Variants in GATB observed in about 807,000 individuals in gnomAD.
The protein encoded by GATB is glutamyl-tRNA(Gln) amidotransferase subunit B, mitochondrial.
Under a neutral mutation model 62.3 loss-of-function variants are expected in GATB, and 39 were observed. The observed-to-expected ratio is 0.63, with a 90% confidence interval of 0.48 to 0.82. The LOEUF is 0.82. Among genes scored for constraint, GATB ranks in the 40% least tolerant of loss-of-function variants. The pLI, the probability that GATB is intolerant of heterozygous loss-of-function variation, is 0.00. For missense variants in GATB, 670 were observed against 684.0 expected, an observed-to-expected ratio of 0.98 and a Z score of 0.23; for synonymous variants, 276 against 258.9, an observed-to-expected ratio of 1.07 and a Z score of -0.63.
At chr4:151,731,264 G>A (rs971191522) in intron 2 of GATB, among the ~76,000 whole-genome samples, 3 of 152,174 alleles carry the variant, frequency 2.0e-5, no homozygotes, top group Admixed American at 6.5e-5. Context: ...GCGGGCGCGC[G>A]CCGCCACGCC....
intron 5 of GATB, among the ~76,000 whole-genome samples, chr4:151,712,324 G>A (rs911803864): frequency 1.3e-5 from 2 of 152,140 alleles, no homozygotes; most frequent in Non-Finnish European, 1.5e-5. Flanking sequence ...GTGCACAAAA[G>A]CTTTACTAGT....
chr4:151,727,858 C>T (rs1030634336), intron 2 of GATB, among the ~76,000 whole-genome samples: 1 of 152,140 alleles, frequency 6.6e-6, no homozygotes, highest in African/African-American at 2.4e-5. Context: ...TGCAAAGTGC[C>T]TATCTCAATC....
rs192267283 is a variant in GATB, at chr4:151,737,121, G to T, written c.328-17583C>A. Among the ~76,000 whole-genome samples the T allele has an allele frequency of 3.2e-3, 483 of 152,334 alleles. 2 individuals carry two copies. The highest frequency in any genetic ancestry group is 0.011 in the African/African-American group (441 of 41,562). On this transcript the variant is annotated intron_variant, in intron 2 of 12. Transcript: ENST00000263985. Reference sequence around the variant, plus strand: ...CAGGCAGAGGCTGGAACAGTTTGGAGGGCTCAGAAGAAGACAGGAAAATGT... The same window carrying T: ...CAGGCAGAGGCTGGAACAGTTTGGATGGCTCAGAAGAAGACAGGAAAATGT...
Position 151,719,454 on chromosome 4 carries a change from T to C in GATB, c.412A>G (p.Arg138Gly). The C allele has an allele frequency of 6.2e-7, 1 of 1,611,998 alleles. No individual in the cohort carries two copies. Among genetic ancestry groups the C allele is most frequent in the Non-Finnish European group, 8.5e-7 (1 of 1,179,000 alleles). The change falls in exon 3 of 13, where the codon AGG becomes GGG. Residue 138 changes from arginine to glycine, a missense_variant. Arg to Gly is a moderately radical substitution (Grantham distance 125, BLOSUM62 -2). Coordinates refer to ENST00000263985, the MANE Select transcript of GATB (RefSeq NM_004564.3). ...CHINKKSLFDRKHYFYADLPA... is the reference protein window; with the variant it reads ...CHINKKSLFDGKHYFYADLPA... Reference sequence around the variant, plus strand: ...AGGTCTGCATAGAAGTAGTGCTTCCTGTCAAACAAGGACTTCTTGTTTATG... The same window carrying C: ...AGGTCTGCATAGAAGTAGTGCTTCCCGTCAAACAAGGACTTCTTGTTTATG...
intron 8 of GATB, 75 bp from the exon 9 acceptor site, chr4:151,701,593 TATGA>T (rs1269740562): frequency 9.4e-7 from 1 of 1,061,716 alleles, no homozygotes; most frequent in Non-Finnish European, 1.3e-6. Flanking sequence ...CCCCCAGTAA[TATGA>T]ATGTTTCTGT....
chr4:151,673,059 T>C, intron 11 of GATB, 163 bp from the exon 12 acceptor site: 1 of 813,392 alleles, frequency 1.2e-6, no homozygotes, highest in Non-Finnish European at 1.9e-6. Flanking sequence ...CTGGCTGCCC[T>C]GCCAGAGCGT....
Position 151,672,813 on chromosome 4 carries a change from CT to C in GATB, c.1493del (p.Gln498ArgfsTer11), listed in dbSNP as rs753239596. 2 of 1,614,222 alleles carry C rather than the reference CT, an allele frequency of 1.2e-6. No homozygotes were observed. Among genetic ancestry groups the C allele is most frequent in the Admixed American group, 1.7e-5 (1 of 60,030 alleles). ...AGTGGCAGAGCTGCTCCAGTGCCCCCTGGTCCTGCATCAGTTCAAGCTGCTT... is the reference window on the plus strand; with the variant it reads ...AGTGGCAGAGCTGCTCCAGTGCCCCCGGTCCTGCATCAGTTCAAGCTGCTT... ...SEKQLELMQD[Q>X]GALEQLCHSV... On this transcript the variant is annotated frameshift_variant, in exon 12 of 13. Coordinates refer to ENST00000263985, the MANE Select transcript of GATB (RefSeq NM_004564.3). LOFTEE classifies it high-confidence loss of function.
intron 11 of GATB, among the ~76,000 whole-genome samples, chr4:151,678,437 TTC>T (rs35701179): frequency 0.59 from 89,063 of 149,788 alleles, 28,733 homozygotes; most frequent in African/African-American, 0.88. Context: ...CAATGTGTTC[TTC>T]TCTCTCTCTC....
intron 6 of GATB, 103 bp downstream of exon 6, chr4:151,707,885 G>T (rs549461877): frequency 4.0e-6 from 3 of 752,764 alleles, no homozygotes; most frequent in Non-Finnish European, 6.8e-6. Context: ...CAGTGAAAAC[G>T]AAAGTAGTTC....
At chr4:151,687,196 A>G (rs1346885886) in intron 10 of GATB, 1 of 152,282 alleles carries the variant, frequency 6.6e-6, no homozygotes, top group Admixed American at 6.5e-5. Flanking sequence ...ATAACTCTCA[A>G]CTGCAAACCT....
chr4:151,714,763 C>A (rs1738882163), intron 5 of GATB, among the ~76,000 whole-genome samples: 1 of 152,122 alleles, frequency 6.6e-6, no homozygotes, highest in African/African-American at 2.4e-5. Flanking sequence ...GGATAACCAT[C>A]CAACTTGCCC....
rs1738600919 is a variant in GATB, at chr4:151,701,407, G to C, written c.1119C>G (p.Leu373=). The C allele has an allele frequency of 6.2e-7, 1 of 1,605,438 alleles. No homozygotes were observed. The highest frequency in any genetic ancestry group is 1.3e-5 in the African/African-American group (1 of 74,572). ...CTCGGGTCACACTGGGGAGCTCCGG[G>C]AGTGTCTCCCGAATCTGGTCAATAT... is the stretch of plus-strand genomic sequence containing the variant. ...VINIDQIRET[L]PELPSVTREK... is the part of the protein sequence containing the mutation. Residue 373 remains leucine, a synonymous_variant, in exon 9 of 13, where the codon CTC becomes CTG. Coordinates refer to ENST00000263985, the MANE Select transcript of GATB (RefSeq NM_004564.3).
intron 11 of GATB, chr4:151,677,731 G>T (rs1271961210): frequency 6.6e-6 from 1 of 152,190 alleles, no homozygotes; most frequent in Non-Finnish European, 1.5e-5. Flanking sequence ...AGGCGTGAAG[G>T]ACTGATGCGT....
At chr4:151,714,559 C>T (rs1738878616) in intron 5 of GATB, among the ~76,000 whole-genome samples, 1 of 152,222 alleles carries the variant, frequency 6.6e-6, no homozygotes, top group Non-Finnish European at 1.5e-5. Flanking sequence ...ATTTAATGAA[C>T]ACTCTCAGCT....
intron 9 of GATB, among the ~76,000 whole-genome samples, chr4:151,698,219 T>C (rs1461122382): frequency 1.3e-5 from 2 of 151,952 alleles, no homozygotes; most frequent in Admixed American, 6.6e-5. Flanking sequence ...CACCCAGTCA[T>C]GGAGTACCTA....
chr4:151,686,965 G>A (rs1447796327), intron 10 of GATB: 1 of 152,562 alleles, frequency 6.6e-6, no homozygotes, highest in East Asian at 1.9e-4. Flanking sequence ...TGTCAGCCTT[G>A]GCCTGTCCCT....
chr4:151,699,777 T>TACAC (rs35358434), intron 9 of GATB, among the ~76,000 whole-genome samples: 2,047 of 151,090 alleles, frequency 0.014, 46 homozygotes, highest in African/African-American at 0.046. Context: ...AGACAGCTAA[T>TACAC]ACACACACAC....
chr4:151,671,320 A>ACTTC lies in GATB; in HGVS notation c.1546-19_1546-18insGAAG. 2 of 1,611,322 alleles carry ACTTC rather than the reference A, an allele frequency of 1.2e-6. No homozygotes were observed. Among genetic ancestry groups the ACTTC allele is most frequent in the African/African-American group, 2.7e-5 (2 of 74,664 alleles). ...TCCATTACCTAGAAGGACAGAAATT[A>ACTTC]CTTACTTAAGAGGAGAAAATGAAGG... On this transcript the variant is annotated intron_variant, in intron 12 of 12. Coordinates refer to ENST00000263985, the MANE Select transcript of GATB (RefSeq NM_004564.3).
rs1444347801 is a variant in GATB, at chr4:151,724,269, CTCT to C, written c.328-4734_328-4732del. 1.1e-4 allele frequency: 17 copies of C among 152,312 alleles called. No individual in the cohort carries two copies. The East Asian group carries it at 3.3e-3, about 29-fold the overall frequency. 9.4% of individuals were successfully genotyped at this position (152,312 alleles called of 1,614,324 possible). A position where few individuals can be genotyped will look rare whatever the true frequency, so the allele number is the denominator to read the frequency against. On this transcript the variant is annotated intron_variant, in intron 2 of 12. Coordinates refer to ENST00000263985, the MANE Select transcript of GATB (RefSeq NM_004564.3). ...ACATTTCTTGATTTTTCCCCTCCTC[CTCT>C]TGCCTTCAGTTTTAATTCAGGTCTT...
Sources: allele counts gnomAD v4.1 joint callset (sites outside exome capture counted in the v4.1 genomes callset), GRCh38; gene constraint gnomAD v4.1.1; transcripts MANE v1.5; gene names NCBI Gene and HGNC (gene_info 2026-07-23, HGNC 2026-07-21).